The following FRMPD1 variants were observed in gnomAD, a reference collection of about 807,000 sequenced individuals.
FRMPD1 encodes FERM and PDZ domain-containing protein 1.
A neutral mutation model predicts 117.8 loss-of-function variants in FRMPD1; 76 were observed. That is an observed-to-expected ratio of 0.65 (90% CI 0.54 to 0.78). The LOEUF (loss-of-function observed/expected upper bound fraction) is 0.78, where lower values mean the gene tolerates loss of function less well. Ranked by LOEUF, FRMPD1 falls within the 30% of genes least tolerant of loss-of-function variation. The probability of loss-of-function intolerance (pLI) is 0.00; values close to 1 mark genes in which losing one functional copy is unlikely to be tolerated. For missense variants in FRMPD1, 1,786 were observed against 1,964.5 expected (o/e 0.91, Z 1.72); for synonymous variants, 783 against 770.4 (o/e 1.02, Z -0.27).
intron 14 of FRMPD1, among the ~76,000 whole-genome samples, chr9:37,739,035 G>T (rs1824261249): frequency 6.6e-6 from 1 of 152,092 alleles, no homozygotes; most frequent in African/African-American, 2.4e-5. Flanking sequence ...AGAGATAGGA[G>T]CCCCACCACG....
chr9:37,616,412 C>A, the FRMPD1 span, among the ~76,000 whole-genome samples: 1 of 152,124 alleles, frequency 6.6e-6, no homozygotes, highest in African/African-American at 2.4e-5. Context: ...CCACTGCGCC[C>A]GGCCCACATC....
intron 5 of FRMPD1, among the ~76,000 whole-genome samples, chr9:37,717,337 A>G (rs113754071): frequency 0.066 from 5,816 of 88,582 alleles, 165 homozygotes; most frequent in South Asian, 0.1. Flanking sequence ...GTGTATGTGT[A>G]TATATGTGTG....
intron 7 of FRMPD1, among the ~76,000 whole-genome samples, chr9:37,725,979 T>A: frequency 6.6e-6 from 1 of 152,208 alleles, no homozygotes; most frequent in Admixed American, 6.5e-5. Flanking sequence ...TGATTTTTTT[T>A]AAAGCAAGTC....
At chr9:37,635,254 A>T in the FRMPD1 span, among the ~76,000 whole-genome samples, 1 of 152,328 alleles carries the variant, frequency 6.6e-6, no homozygotes, top group East Asian at 1.9e-4. Flanking sequence ...AAATTTCTTT[A>T]TAAGTCCCCT....
intron 1 of FRMPD1, among the ~76,000 whole-genome samples, chr9:37,673,039 C>T (rs552833989): frequency 6.6e-6 from 1 of 152,322 alleles, no homozygotes; most frequent in South Asian, 2.1e-4. Context: ...CCAATCATGC[C>T]TTCCCAATAG....
At chr9:37,691,620 C>T (rs1323274508) in intron 1 of FRMPD1, among the ~76,000 whole-genome samples, 1 of 152,156 alleles carries the variant, frequency 6.6e-6, no homozygotes, top group African/African-American at 2.4e-5. Flanking sequence ...AAGAATAAGA[C>T]AGTCTGGGTG....
chr9:37,723,425 C>A (rs755272187), intron 6 of FRMPD1, among the ~76,000 whole-genome samples: 3 of 152,168 alleles, frequency 2.0e-5, no homozygotes, highest in Admixed American at 2.0e-4. Flanking sequence ...ACAAAGCATG[C>A]CTGTGCATTG....
intron 6 of FRMPD1, among the ~76,000 whole-genome samples, chr9:37,722,770 T>C (rs1387568327): frequency 3.2e-5 from 3 of 93,996 alleles, no homozygotes; most frequent in African/African-American, 9.4e-5. Flanking sequence ...TCTTTTTTTT[T>C]TCTTTTTTTC....
Position 37,712,341 on chromosome 9 carries a change from A to G in FRMPD1, c.408+946A>G, listed in dbSNP as rs966125610. ...TATAGACTATTTAGAAAATAATTGA[A>G]AATTAAAACTGTACTTCTTTTATTT... On this transcript the variant is annotated intron_variant, in intron 5 of 15. Coordinates refer to ENST00000377765, the MANE Select transcript of FRMPD1 (RefSeq NM_014907.3). Among the ~76,000 whole-genome samples the G allele has an allele frequency of 2.0e-5, 3 of 152,216 alleles. 1 individual carries two copies. In the East Asian group the frequency reaches 5.8e-4, roughly 29 times the overall value.
chr9:37,685,080 A>G (rs998673565), intron 1 of FRMPD1, among the ~76,000 whole-genome samples: 5 of 152,140 alleles, frequency 3.3e-5, no homozygotes, highest in African/African-American at 9.7e-5. Context: ...ACAGTGTCTC[A>G]AGTAGCACTT....
Position 37,719,049 on chromosome 9 carries a change from A to T in FRMPD1, c.409-20A>T. 1 of 1,438,530 alleles carries T rather than the reference A, an allele frequency of 7.0e-7. No individual in the cohort carries two copies. The highest frequency in any genetic ancestry group is 9.8e-7 in the Non-Finnish European group (1 of 1,019,566). 89.1% of individuals were successfully genotyped at this position (1,438,530 alleles called of 1,614,324 possible). A position where few individuals can be genotyped will look rare whatever the true frequency, so the allele number is the denominator to read the frequency against. On this transcript the variant is annotated intron_variant, in intron 5 of 15. Transcript: ENST00000377765. ...TTATGAAAGCACTGTTCCAAAATGC[A>T]TCATGTTACTGTTTTTCAGGGAGTC...
the FRMPD1 span, among the ~76,000 whole-genome samples, chr9:37,617,704 C>A: frequency 8.5e-5 from 13 of 152,252 alleles, no homozygotes; most frequent in African/African-American, 2.9e-4. Context: ...CTAAATGGGT[C>A]ATCTTAACCA....
At chr9:37,706,974 CCATT>C (rs879453046) in intron 2 of FRMPD1, among the ~76,000 whole-genome samples, 5,895 of 141,008 alleles carry the variant, frequency 0.042, 135 homozygotes, top group Non-Finnish European at 0.063. Flanking sequence ...ATCCATCCAT[CCATT>C]CATTCATTGA....
the FRMPD1 span, among the ~76,000 whole-genome samples, chr9:37,614,057 G>A: frequency 6.6e-6 from 1 of 152,196 alleles, no homozygotes; most frequent in Non-Finnish European, 1.5e-5. Context: ...GCAGAGAGGG[G>A]ACTTTATTTC....
the FRMPD1 span, among the ~76,000 whole-genome samples, chr9:37,620,629 T>C: frequency 6.6e-6 from 1 of 152,224 alleles, no homozygotes; most frequent in Non-Finnish European, 1.5e-5. Context: ...TGGAGCAGTC[T>C]TGGAGCACTG....
intron 15 of FRMPD1, among the ~76,000 whole-genome samples, chr9:37,742,426 A>G (rs1290280406): frequency 6.6e-6 from 1 of 152,200 alleles, no homozygotes; most frequent in African/African-American, 2.4e-5. Context: ...GAGCCAGTGT[A>G]GTGCTGAGAA....
the FRMPD1 span, among the ~76,000 whole-genome samples, chr9:37,609,500 G>T: frequency 1.3e-5 from 2 of 152,026 alleles, no homozygotes; most frequent in South Asian, 2.1e-4. Flanking sequence ...CATCCAATCT[G>T]GTCAGCAAAT....
the FRMPD1 span, among the ~76,000 whole-genome samples, chr9:37,603,645 T>TTTTTGTTTTGTTTTGTTTTGTTTTA: frequency 6.6e-6 from 1 of 151,578 alleles, no homozygotes; most frequent in African/African-American, 2.4e-5. Context: ...GCTAATAGGT[T>TTTTTGTTTTGTTTTGTTTTGTTTTA]TTTTGTTTTG....
At chr9:37,744,355 C>CT in intron 15 of FRMPD1, 34 bp from the exon 16 acceptor site, 1 of 1,480,560 alleles carries the variant, frequency 6.8e-7, no homozygotes. Flanking sequence ...TTTTTTTGTG[C>CT]TTTTTAATGT....
Sources: allele counts gnomAD v4.1 joint callset (sites outside exome capture counted in the v4.1 genomes callset), GRCh38; gene constraint gnomAD v4.1.1; transcripts MANE v1.5; gene names NCBI Gene and HGNC (gene_info 2026-07-23, HGNC 2026-07-21).